Variants in DOCK10 observed in about 807,000 individuals in gnomAD.
DOCK10 encodes dedicator of cytokinesis 10, also known as dedicator of cytokinesis protein 10.
Under a neutral mutation model 280.1 loss-of-function variants are expected in DOCK10, and 145 were observed. The ratio of observed to expected loss-of-function variants is 0.52; its 90% CI spans 0.45 to 0.59. The LOEUF (loss-of-function observed/expected upper bound fraction) is 0.59, where lower values mean the gene tolerates loss of function less well. Among genes scored for constraint, DOCK10 ranks in the 20% least tolerant of loss-of-function variants. The pLI is 0.00. For missense variants in DOCK10, 2,368 were observed against 2,651.7 expected, an observed-to-expected ratio of 0.89 and a Z score of 2.35; for synonymous variants, 915 against 942.2, an observed-to-expected ratio of 0.97 and a Z score of 0.53.
intron 28 of DOCK10, among the ~76,000 whole-genome samples, chr2:224,821,669 C>T (rs4527189): frequency 0.18 from 26,665 of 151,878 alleles, 3,490 homozygotes; most frequent in African/African-American, 0.37. Context: ...TAGAGACTTG[C>T]TTATTCGTCA....
intron 12 of DOCK10, 59 bp downstream of exon 12, chr2:224,864,807 A>T: frequency 3.1e-6 from 5 of 1,604,154 alleles, no homozygotes; most frequent in Non-Finnish European, 4.3e-6. Flanking sequence ...TATATGATCT[A>T]TTGGTAAGAA....
Position 224,978,641 on chromosome 2 carries a change from A to G in DOCK10, c.124-46973T>C, listed in dbSNP as rs368221952. Among the ~76,000 whole-genome samples the G allele has an allele frequency of 3.2e-4, 48 of 152,350 alleles. 1 individual carries two copies. In the South Asian group the frequency reaches 9.7e-3, roughly 31 times the overall value. ...GAAGGTAATGCGTGATTAACTTTCA[A>G]ATGGATTTATACACTATAAATATTA... is the stretch of plus-strand genomic sequence containing the variant. On this transcript the variant is annotated intron_variant, in intron 1 of 55. Coordinates refer to ENST00000258390, the MANE Select transcript of DOCK10 (RefSeq NM_014689.3).
intron 6 of DOCK10, 93 bp from the exon 7 acceptor site, chr2:224,885,898 A>G (rs1376836118): frequency 2.0e-6 from 3 of 1,521,646 alleles, no homozygotes; most frequent in African/African-American, 1.4e-5. Flanking sequence ...CAGGAGTGCT[A>G]TATTTCTAGG....
rs1699987065 is a variant in DOCK10 at position 224,896,330 on chromosome 2, A to G, written c.381T>C (p.Tyr127=). ...SSQWHVVNYK[Y]EQYSGDIRQL... ...GTCGAATGTCTCCAGAATATTGTTC[A>G]TATTTGTAGTTTACCACATGCCACT... The change falls in exon 4 of 56, where the codon TAT becomes TAC. Residue 127 remains tyrosine (Y), a synonymous_variant. Transcript: ENST00000258390. 2 of 1,607,876 alleles carry G rather than the reference A, an allele frequency of 1.2e-6. No homozygotes were observed. The highest frequency in any genetic ancestry group is 1.1e-5 in the South Asian group (1 of 90,206).
intron 1 of DOCK10, among the ~76,000 whole-genome samples, chr2:224,998,884 T>C (rs768074070): frequency 1.2e-4 from 18 of 152,184 alleles, no homozygotes; most frequent in Non-Finnish European, 2.5e-4. Context: ...ATGAAAGTGT[T>C]GCTCTTAAAA....
chr2:224,863,006 C>CT (rs1215536442), intron 13 of DOCK10, among the ~76,000 whole-genome samples: 1 of 151,890 alleles, frequency 6.6e-6, no homozygotes, highest in South Asian at 2.1e-4. Flanking sequence ...AACTTTTTTC[C>CT]TTTTTTTGAC....
chr2:224,845,779 A>G, intron 19 of DOCK10, 137 bp from the exon 20 acceptor site: 6 of 800,320 alleles, frequency 7.5e-6, no homozygotes, highest in Non-Finnish European at 1.2e-5. Context: ...GCTGGAGTGC[A>G]ATGGCACGAT....
intron 1 of DOCK10, among the ~76,000 whole-genome samples, chr2:224,994,877 CTT>C (rs1706226924): frequency 6.6e-6 from 1 of 152,108 alleles, no homozygotes; most frequent in African/African-American, 2.4e-5. Context: ...CAAAAATAAA[CTT>C]TTGTTATCTC....
chr2:224,850,600 G>GC (rs1480623318), intron 18 of DOCK10, among the ~76,000 whole-genome samples: 7 of 152,104 alleles, frequency 4.6e-5, no homozygotes, highest in African/African-American at 1.7e-4. Context: ...ATGGCTTCCT[G>GC]AACAGGCCTT....
chr2:225,014,081 A>ATATATATATATAT (rs776104946), intron 1 of DOCK10, among the ~76,000 whole-genome samples: 1 of 96,800 alleles, frequency 1.0e-5, no homozygotes, highest in African/African-American at 4.7e-5. Context: ...GTCTGAATAT[A>ATATATATATATAT]TTGTTTTTTT....
At chr2:224,821,675 C>T (rs953962200) in intron 28 of DOCK10, among the ~76,000 whole-genome samples, 1 of 151,916 alleles carries the variant, frequency 6.6e-6, no homozygotes, top group Admixed American at 6.6e-5. Context: ...CTTGCTTATT[C>T]GTCATTTTTT....
intron 1 of DOCK10, among the ~76,000 whole-genome samples, chr2:224,944,628 G>A (rs566916596): frequency 2.6e-5 from 4 of 152,158 alleles, no homozygotes; most frequent in Non-Finnish European, 5.9e-5. Flanking sequence ...AGGTGAGAGC[G>A]GCAGGGAGAA....
At position 224,788,518 on chromosome 2, in the gene DOCK10, A is replaced by C. The variant is rs899769201; in HGVS notation, c.5418+546T>G. Reference sequence around the variant, plus strand: ...CATCTGAAAATTTACTTTCTGTATAATTTTTTCCATTTATGTAATACTGAC... The same window carrying C: ...CATCTGAAAATTTACTTTCTGTATACTTTTTTCCATTTATGTAATACTGAC... On this transcript the variant is annotated intron_variant, in intron 48 of 55. Coordinates refer to ENST00000258390, the MANE Select transcript of DOCK10 (RefSeq NM_014689.3). 2.0e-5 allele frequency among the ~76,000 whole-genome samples: 3 copies of C among 152,206 alleles called. No homozygotes were observed. In the South Asian group the frequency reaches 6.2e-4, roughly 32 times the overall value.
At chr2:224,927,230 T>C (rs574675163) in intron 2 of DOCK10, among the ~76,000 whole-genome samples, 1 of 152,034 alleles carries the variant, frequency 6.6e-6, no homozygotes, top group South Asian at 2.1e-4. Flanking sequence ...TTGATGTCTG[T>C]GCAGTGACTG....
intron 7 of DOCK10, among the ~76,000 whole-genome samples, chr2:224,879,932 T>A (rs1698879871): frequency 6.6e-6 from 1 of 152,122 alleles, no homozygotes; most frequent in East Asian, 1.9e-4. Context: ...ATTTGAGTGA[T>A]GAATTTGATG....
At chr2:224,921,112 A>AAATATATATAT in intron 2 of DOCK10, among the ~76,000 whole-genome samples, 3 of 54,432 alleles carry the variant, frequency 5.5e-5, no homozygotes, top group African/African-American at 4.7e-4. Context: ...AAAAAAAAAA[A>AAATATATATAT]ATATATATAT....
chr2:224,937,316 GTAGA>G (rs1374862628), intron 1 of DOCK10, among the ~76,000 whole-genome samples: 1 of 152,136 alleles, frequency 6.6e-6, no homozygotes, highest in Non-Finnish European at 1.5e-5. Context: ...CAAAGATCAA[GTAGA>G]TAAAGTATGA....
chr2:224,910,920 G>A (rs1480306306), intron 3 of DOCK10, among the ~76,000 whole-genome samples: 1 of 151,580 alleles, frequency 6.6e-6, no homozygotes, highest in East Asian at 1.9e-4. Flanking sequence ...TAGTGACACA[G>A]AAAAATTAGC....
At chr2:224,939,783 C>T (rs1702910797) in intron 1 of DOCK10, among the ~76,000 whole-genome samples, 1 of 152,196 alleles carries the variant, frequency 6.6e-6, no homozygotes, top group Non-Finnish European at 1.5e-5. Flanking sequence ...ATACATGTCA[C>T]ACATACAAAT....
Sources: gnomAD v4.1 joint callset for allele counts (sites outside exome capture counted in the v4.1 genomes callset) on GRCh38, gnomAD v4.1.1 for gene constraint, MANE v1.5 for transcripts, NCBI Gene and HGNC (gene_info 2026-07-23, HGNC 2026-07-21) for gene names.